Variants in GLMN observed in about 807,000 individuals in gnomAD.
GLMN encodes glomulin, FKBP associated protein, also known as glomulin.
GLMN carries 75 observed loss-of-function variants against 87.8 expected under a neutral mutation model. That is an observed-to-expected ratio of 0.85 (90% CI 0.71 to 1.04). GLMN has a LOEUF of 1.04. GLMN is among the 50% of genes least tolerant of loss of function. The pLI, the probability that GLMN is intolerant of heterozygous loss-of-function variation, is 0.00. For synonymous variants in GLMN, 206 were observed against 221.6 expected (o/e 0.93, Z 0.63); for missense variants, 588 against 658.8 (o/e 0.89, Z 1.18).
the GLMN span, among the ~76,000 whole-genome samples, chr1:92,305,432 C>CAAAAAAAAAAAAAAAAAAAAAAAAAAAA: frequency 2.0e-3 from 106 of 52,644 alleles, 2 homozygotes; most frequent in Middle Eastern, 0.012. Flanking sequence ...GGCTCCGTCT[C>CAAAAAAAAAAAAAAAAAAAAAAAAAAAA]AAAAAAAAAA....
the GLMN span, chr1:92,320,606 G>A: frequency 6.2e-7 from 1 of 1,610,996 alleles, no homozygotes. Flanking sequence ...CAGGCATCCT[G>A]ATTTTCAACT....
the GLMN span, among the ~76,000 whole-genome samples, chr1:92,312,801 C>T: frequency 6.6e-6 from 1 of 151,972 alleles, no homozygotes; most frequent in Non-Finnish European, 1.5e-5. Context: ...CCCATGAATC[C>T]CAAATGTTCT....
rs1053264052 is a variant in GLMN, at chr1:92,280,794, C to G, written c.735+5696G>C. 2.0e-5 allele frequency among the ~76,000 whole-genome samples: 3 copies of G among 152,144 alleles called. No individual in the cohort carries two copies. The East Asian group carries it at 5.8e-4, about 29-fold the overall frequency. On this transcript the variant is annotated intron_variant, in intron 7 of 18. Transcript: ENST00000370360. ...TTAAATGACCTGATGGAGCTGAAAA[C>G]CATGGCACGAGAACTTCATGACGCA...
chr1:92,366,833 G>C, the GLMN span, among the ~76,000 whole-genome samples: 1 of 151,988 alleles, frequency 6.6e-6, no homozygotes, highest in African/African-American at 2.4e-5. Context: ...TCTGGAAATA[G>C]GTGACATTTT....
chr1:92,287,653 T>A (rs1472338513), intron 6 of GLMN, among the ~76,000 whole-genome samples: 2 of 152,092 alleles, frequency 1.3e-5, no homozygotes, highest in African/African-American at 4.8e-5. Context: ...AATTTTTTTT[T>A]AAATGTCCTA....
At chr1:92,300,323 C>CTTTT, upstream of GLMN, 2 of 831,662 alleles carry the variant, frequency 2.4e-6, no homozygotes, top group African/African-American at 1.8e-5. Flanking sequence ...TAATGGTTAC[C>CTTTT]TTTTTTTTTT....
At chr1:92,303,023 A>C (rs1426541972), upstream of GLMN, among the ~76,000 whole-genome samples, 5 of 152,136 alleles carry the variant, frequency 3.3e-5, no homozygotes, top group African/African-American at 4.8e-5. Context: ...ACACAGCGAG[A>C]CCCTGTCTAA....
At chr1:92,250,110 G>C (rs1283847048) in intron 16 of GLMN, among the ~76,000 whole-genome samples, 2 of 151,522 alleles carry the variant, frequency 1.3e-5, no homozygotes, top group Non-Finnish European at 2.9e-5. Context: ...ACCCACTAAA[G>C]CACATTTGAA....
chr1:92,297,008 T>G (rs1459885243), intron 3 of GLMN, among the ~76,000 whole-genome samples: 3 of 152,198 alleles, frequency 2.0e-5, no homozygotes, highest in Non-Finnish European at 4.4e-5. Flanking sequence ...TAAAAACTCT[T>G]TACTTCAACT....
At chr1:92,294,407 G>A (rs2101056799) in intron 3 of GLMN, among the ~76,000 whole-genome samples, 1 of 152,176 alleles carries the variant, frequency 6.6e-6, no homozygotes, top group Admixed American at 6.5e-5. Flanking sequence ...ACCCCCAGTG[G>A]ATGCCTGAAA....
At chr1:92,253,090 C>G (rs970715228) in intron 16 of GLMN, among the ~76,000 whole-genome samples, 1 of 152,180 alleles carries the variant, frequency 6.6e-6, no homozygotes, top group Non-Finnish European at 1.5e-5. Context: ...TCATCCGGCT[C>G]TGCAAATATT....
At chr1:92,304,416 C>A in the GLMN span, 2 of 802,046 alleles carry the variant, frequency 2.5e-6, no homozygotes, top group Non-Finnish European at 3.9e-6. Flanking sequence ...CCTAACAAGG[C>A]ATGGCAATTA....
At chr1:92,258,782 G>A (rs1654609408) in intron 16 of GLMN, among the ~76,000 whole-genome samples, 1 of 151,922 alleles carries the variant, frequency 6.6e-6, no homozygotes, top group South Asian at 2.1e-4. Flanking sequence ...GGGGTATTAG[G>A]AGAAATACCT....
chr1:92,340,491 ACAAT>A, the GLMN span, among the ~76,000 whole-genome samples: 1 of 152,210 alleles, frequency 6.6e-6, no homozygotes, highest in Admixed American at 6.5e-5. Flanking sequence ...CTCTGAAGTG[ACAAT>A]CAATAATAGG....
chr1:92,281,891 T>C (rs556631485), intron 7 of GLMN, among the ~76,000 whole-genome samples: 2 of 151,496 alleles, frequency 1.3e-5, no homozygotes, highest in East Asian at 1.9e-4. Context: ...CACTACATAA[T>C]GGTAAAGGGA....
chr1:92,263,232 C>T (rs1655236407), intron 15 of GLMN, among the ~76,000 whole-genome samples: 1 of 151,942 alleles, frequency 6.6e-6, no homozygotes, highest in South Asian at 2.1e-4. Context: ...AATATCCATT[C>T]CAGTATACTG....
intron 16 of GLMN, among the ~76,000 whole-genome samples, chr1:92,248,583 T>C (rs560919216): frequency 1.2e-4 from 19 of 152,160 alleles, no homozygotes; most frequent in Admixed American, 6.5e-4. Flanking sequence ...TTTTAAAAAA[T>C]AGAGAAAAGA....
chr1:92,277,582 G>C (rs1036852081), intron 7 of GLMN, among the ~76,000 whole-genome samples: 5 of 152,164 alleles, frequency 3.3e-5, no homozygotes, highest in Admixed American at 1.3e-4. Context: ...GTAAGGGAAA[G>C]GGGCTGAATA....
At chr1:92,304,099 A>G in the GLMN span, 1 of 1,502,308 alleles carries the variant, frequency 6.7e-7, no homozygotes, top group Non-Finnish European at 9.2e-7. Context: ...TTTTTTTAAA[A>G]TATAGGCTTT....
Sources: gnomAD v4.1 joint callset for allele counts (sites outside exome capture counted in the v4.1 genomes callset) on GRCh38, gnomAD v4.1.1 for gene constraint, MANE v1.5 for transcripts, NCBI Gene and HGNC (gene_info 2026-07-23, HGNC 2026-07-21) for gene names.